The following GNL3L variants were observed in gnomAD, a reference collection of about 807,000 sequenced individuals.
The protein encoded by GNL3L is guanine nucleotide-binding protein-like 3-like protein.
A neutral mutation model predicts 42.9 loss-of-function variants in GNL3L; 4 were observed. That is an observed-to-expected ratio of 0.09 (90% CI 0.05 to 0.21). The LOEUF is 0.21. Among genes scored for constraint, GNL3L ranks in the 10% least tolerant of loss-of-function variants. The probability of loss-of-function intolerance (pLI) is 1.00; values close to 1 mark genes in which losing one functional copy is unlikely to be tolerated. For missense variants in GNL3L, 412 were observed against 481.7 expected, an observed-to-expected ratio of 0.86 and a Z score of 1.36; for synonymous variants, 159 against 176.3, an observed-to-expected ratio of 0.90 and a Z score of 0.78.
chrX:54,601,784 T>C (rs936810827), intron 16 of GNL3L, among the ~76,000 whole-genome samples: 4 of 111,803 alleles, frequency 3.6e-5, no homozygotes, highest in Non-Finnish European at 5.6e-5. Context: ...TTCTAAATTC[T>C]GACAACCACT....
chrX:54,573,720 T>C (rs1158090630), intron 16 of GNL3L, among the ~76,000 whole-genome samples: 1 of 111,734 alleles, frequency 8.9e-6, no homozygotes, highest in Non-Finnish European at 1.9e-5. Flanking sequence ...ATATTTTTTA[T>C]TCCTCTATTT....
intron 7 of GNL3L, 66 bp from the exon 8 acceptor site, chrX:54,544,157 C>T (rs1427649798): frequency 1.6e-6 from 1 of 607,400 alleles, no homozygotes; most frequent in Non-Finnish European, 2.7e-6. Flanking sequence ...GTGGAGGTGT[C>T]TTTGGAGGGA....
intron 10 of GNL3L, 32 bp from the exon 11 acceptor site, chrX:54,551,536 G>A (rs755303167): frequency 3.4e-6 from 4 of 1,183,316 alleles, no homozygotes; most frequent in Middle Eastern, 2.9e-4. Context: ...ACGATGCCAG[G>A]TACATCTGGG....
At chrX:54,569,162 C>A (rs1254115393), downstream of GNL3L, among the ~76,000 whole-genome samples, 1 of 112,157 alleles carries the variant, frequency 8.9e-6, no homozygotes, top group Non-Finnish European at 1.9e-5. Flanking sequence ...TTTGCATCTA[C>A]ATAAGGATAT....
In GNL3L at chrX:54,616,307, T is replaced by A. The variant is rs187578169; in HGVS notation, c.*46-4538T>A. 6.6e-3 allele frequency among the ~76,000 whole-genome samples: 743 copies of A among 113,016 alleles called. 4 individuals are homozygous for A. The highest frequency in any genetic ancestry group is 0.011 in the African/African-American group (342 of 31,231). ...GAGAAAGGAAAAACCAATTTTTTTTTAATAAAAATTGCATACCTTTCTGGA... is the reference window on the plus strand; with the variant it reads ...GAGAAAGGAAAAACCAATTTTTTTTAAATAAAAATTGCATACCTTTCTGGA... On this transcript the variant is annotated intron_variant, in intron 16 of 16. Transcript: ENST00000674498.
At chrX:54,586,035 A>G (rs745343845) in intron 16 of GNL3L, among the ~76,000 whole-genome samples, 2 of 111,662 alleles carry the variant, frequency 1.8e-5, no homozygotes, top group African/African-American at 3.3e-5. Flanking sequence ...AGTGGAACCA[A>G]AATAGTGAGT....
At position 54,531,728 on chromosome X, in the gene GNL3L, C is replaced by T. The variant is rs1323158377; in HGVS notation, c.-47-792C>T. 2.7e-5 allele frequency among the ~76,000 whole-genome samples: 3 copies of T among 111,369 alleles called. 1 individual carries two copies. Among genetic ancestry groups the T allele is most frequent in the African/African-American group, 6.5e-5 (2 of 30,598 alleles). ...ATCGATCCTGTACCACAGCCCTCTC[C>T]AGGGTGAAGAGACGCAGGACCCATC... On this transcript the variant is annotated intron_variant, in intron 1 of 15. Transcript: ENST00000360845.
At chrX:54,593,620 TATC>T (rs1925895767) in intron 16 of GNL3L, among the ~76,000 whole-genome samples, 1 of 111,018 alleles carries the variant, frequency 9.0e-6, no homozygotes, top group African/African-American at 3.3e-5. Context: ...CTCTGGTCCT[TATC>T]ATTTCTTTTC....
rs144683920 is a variant in GNL3L, at chrX:54,554,754, A to G, written c.1446+62A>G. ...TCCCCAGGGCTCTGGGAAGTGGTCA[A>G]TCCCTTTTACCTGCCTTTCATGTGG... is the stretch of plus-strand genomic sequence containing the variant. On this transcript the variant is annotated intron_variant, in intron 14 of 15. Transcript: ENST00000360845. The G allele has an allele frequency of 4.4e-4, 468 of 1,059,255 alleles. 5 individuals are homozygous for G. The East Asian group carries it at 8.6e-3, about 19-fold the overall frequency. The allele number at this position is 1,059,255 out of a possible 1,213,427, so 87.3% of individuals were successfully genotyped here. A position where few individuals can be genotyped will look rare whatever the true frequency, so the allele number is the denominator to read the frequency against.
At chrX:54,599,808 C>G (rs1925981230) in intron 16 of GNL3L, among the ~76,000 whole-genome samples, 1 of 110,504 alleles carries the variant, frequency 9.0e-6, no homozygotes. Flanking sequence ...GTTTGAATTC[C>G]CTGATTCTTC....
intron 16 of GNL3L, among the ~76,000 whole-genome samples, chrX:54,602,790 C>T (rs1237942693): frequency 9.0e-6 from 1 of 111,188 alleles, no homozygotes; most frequent in Non-Finnish European, 1.9e-5. Context: ...CGAGAGCTAG[C>T]AAGAAGCCAG....
intron 16 of GNL3L, among the ~76,000 whole-genome samples, chrX:54,597,269 AGGACT>A (rs1925941576): frequency 9.0e-6 from 1 of 111,148 alleles, no homozygotes; most frequent in Non-Finnish European, 1.9e-5. Flanking sequence ...TAATGGTGCC[AGGACT>A]GGGTCCTTCT....
At chrX:54,540,038 G>A in intron 3 of GNL3L, 97 bp from the exon 4 acceptor site, 1 of 524,148 alleles carries the variant, frequency 1.9e-6, no homozygotes, top group Non-Finnish European at 3.4e-6. Flanking sequence ...GCATTTATGA[G>A]GGGATGTTGT....
At chrX:54,571,114 T>A (rs915738503), downstream of GNL3L, among the ~76,000 whole-genome samples, 4 of 111,395 alleles carry the variant, frequency 3.6e-5, no homozygotes, top group Admixed American at 9.6e-5. Flanking sequence ...GAATTTAAGT[T>A]GATAGGTTTT....
chrX:54,606,867 CT>C (rs1926068174), intron 16 of GNL3L, among the ~76,000 whole-genome samples: 1 of 109,805 alleles, frequency 9.1e-6, no homozygotes. Context: ...TCTTGAACTC[CT>C]GGCCTTAAGT....
At chrX:54,557,165 G>C (rs182945500) in intron 14 of GNL3L, among the ~76,000 whole-genome samples, 115 of 108,086 alleles carry the variant, frequency 1.1e-3, no homozygotes, top group African/African-American at 3.8e-3. Context: ...CTGGGCAACA[G>C]AGCGAAACTC....
At chrX:54,534,740 G>A (rs2147469882) in intron 2 of GNL3L, among the ~76,000 whole-genome samples, 1 of 111,635 alleles carries the variant, frequency 9.0e-6, no homozygotes, top group African/African-American at 3.2e-5. Flanking sequence ...AAACCTATGA[G>A]CAGAGGCTCC....
rs771492810 is a variant in GNL3L, at chrX:54,543,475, C to T, written c.526+133C>T. The T allele has an allele frequency of 5.9e-4, 385 of 655,693 alleles. 3 individuals carry two copies. The South Asian group carries it at 7.1e-3, about 12-fold the overall frequency. 54.0% of individuals were successfully genotyped at this position (655,693 alleles called of 1,213,427 possible). Reference sequence around the variant, plus strand: ...TCATGCAAAGTAGAAATTTTTGTTCCGATTTTCAAAGCCTGTATCACAGAG... The same window carrying T: ...TCATGCAAAGTAGAAATTTTTGTTCTGATTTTCAAAGCCTGTATCACAGAG... On this transcript the variant is annotated intron_variant, in intron 7 of 15. Transcript: ENST00000360845.
chrX:54,580,187 C>G (rs1404675719), intron 16 of GNL3L, among the ~76,000 whole-genome samples: 1 of 80,076 alleles, frequency 1.2e-5, no homozygotes, highest in South Asian at 8.6e-4. Context: ...TGTGATGTTC[C>G]CCTTCCTGTG....
Sources: gnomAD v4.1 joint callset for allele counts (sites outside exome capture counted in the v4.1 genomes callset) on GRCh38, gnomAD v4.1.1 for gene constraint, MANE v1.5 for transcripts, NCBI Gene and HGNC (gene_info 2026-07-23, HGNC 2026-07-21) for gene names.